The following PPP2R5C variants were observed in gnomAD, a reference collection of about 807,000 sequenced individuals.
PPP2R5C encodes the protein protein phosphatase 2 regulatory subunit B'gamma.
PPP2R5C carries 7 observed loss-of-function variants against 68.9 expected under a neutral mutation model. That is an observed-to-expected ratio of 0.10 (90% CI 0.06 to 0.19). PPP2R5C has a LOEUF of 0.19. Among genes scored for constraint, PPP2R5C ranks in the 10% least tolerant of loss-of-function variants. The pLI is 1.00. For missense variants in PPP2R5C, 348 were observed against 641.3 expected, an observed-to-expected ratio of 0.54 and a Z score of 4.94; for synonymous variants, 210 against 222.2, an observed-to-expected ratio of 0.95 and a Z score of 0.49.
chr14:101,830,107 C>G (rs768621765), intron 1 of PPP2R5C, among the ~76,000 whole-genome samples: 1 of 152,146 alleles, frequency 6.6e-6, no homozygotes, highest in Non-Finnish European at 1.5e-5. Flanking sequence ...AGAAAAGCAT[C>G]TATATTCAAG....
At chr14:101,910,845 G>A (rs778478724) in intron 11 of PPP2R5C, among the ~76,000 whole-genome samples, 1 of 152,118 alleles carries the variant, frequency 6.6e-6, no homozygotes, top group African/African-American at 2.4e-5. Context: ...GCTCATGCCT[G>A]TAATCCCAGC....
Position 101,781,767 on chromosome 14 carries a change from G to A in PPP2R5C, c.94-4251G>A, listed in dbSNP as rs116899619. Among the ~76,000 whole-genome samples, 1 of 151,822 alleles carries A rather than the reference G, an allele frequency of 6.6e-6. No homozygotes were observed. The highest frequency in any genetic ancestry group is 1.5e-5 in the Non-Finnish European group (1 of 67,910). On this transcript the variant is annotated intron_variant, in intron 2 of 14. Coordinates refer to the PPP2R5C transcript ENST00000328724. This position sits in a 1 kb window ranked among gnomAD's most constrained non-coding sequence, Gnocchi z 6.4. ...ACGCCGATCTGGCCTCCTGCGTTGCGCGCTCCAACCCTCTGCTTGGCCGCC... is the reference window on the plus strand; with the variant it reads ...ACGCCGATCTGGCCTCCTGCGTTGCACGCTCCAACCCTCTGCTTGGCCGCC...
chr14:101,802,722 A>G (rs1483626916), intron 3 of PPP2R5C, among the ~76,000 whole-genome samples: 1 of 152,306 alleles, frequency 6.6e-6, no homozygotes, highest in East Asian at 1.9e-4. Flanking sequence ...GAAAAATCAT[A>G]TAACTGATAA....
At chr14:101,831,983 A>C (rs1441371992) in intron 1 of PPP2R5C, among the ~76,000 whole-genome samples, 1 of 152,256 alleles carries the variant, frequency 6.6e-6, no homozygotes, top group Non-Finnish European at 1.5e-5. Flanking sequence ...GGAACCATGG[A>C]AAGATTCTAA....
intron 9 of PPP2R5C, among the ~76,000 whole-genome samples, chr14:101,902,586 G>A (rs992058039): frequency 2.0e-5 from 3 of 152,138 alleles, no homozygotes; most frequent in African/African-American, 4.8e-5. Flanking sequence ...AAGACCTCCC[G>A]GTGCCCAGGG....
chr14:101,918,370 G>A (rs1415544895), intron 13 of PPP2R5C, among the ~76,000 whole-genome samples: 3 of 122,184 alleles, frequency 2.5e-5, no homozygotes, highest in Non-Finnish European at 5.2e-5. Context: ...CACCCTCCTT[G>A]CCCCTCCCCC....
chr14:101,880,659 T>C (rs1613436), intron 2 of PPP2R5C, among the ~76,000 whole-genome samples: 34,931 of 151,920 alleles, frequency 0.23, 4,984 homozygotes, highest in African/African-American at 0.41. Context: ...TAGCAGAGCA[T>C]GGTGGTGCGT....
At chr14:101,809,102 T>C (rs1183522238), upstream of PPP2R5C, among the ~76,000 whole-genome samples, 1 of 152,216 alleles carries the variant, frequency 6.6e-6, no homozygotes, top group African/African-American at 2.4e-5. Flanking sequence ...TATGTCAGCA[T>C]ATTTGCAATA....
In PPP2R5C at chr14:101,925,044, CGTGCCTCGCG is replaced by C. The variant is rs2047222093; in HGVS notation, c.1444-94_1444-85del. 2.8e-5 allele frequency: 39 copies of C among 1,375,578 alleles called. 2 individuals are homozygous for C. The South Asian group carries it at 4.8e-4, about 17-fold the overall frequency. The allele number at this position is 1,375,578 out of a possible 1,614,324, so 85.2% of individuals were successfully genotyped here. On this transcript the variant is annotated intron_variant, in intron 13 of 13. Transcript: ENST00000334743. ...GCCGCCAGCGAGTGGGTGAGGCACA[CGTGCCTCGCG>C]GTTATCCTTTGACTTCCACCTCAGA...
At chr14:101,921,919 A>G (rs1287137185) in intron 13 of PPP2R5C, 1 of 918,302 alleles carries the variant, frequency 1.1e-6, no homozygotes, top group Non-Finnish European at 1.3e-6. Flanking sequence ...AAAACTAGCA[A>G]ATATCATGTG....
upstream of PPP2R5C, among the ~76,000 whole-genome samples, chr14:101,809,397 A>AC (rs1369188699): frequency 2.7e-5 from 4 of 150,904 alleles, no homozygotes; most frequent in Middle Eastern, 3.4e-3. Flanking sequence ...TTTGTTAAAA[A>AC]AAAAAAACAA....
intron 1 of PPP2R5C, among the ~76,000 whole-genome samples, chr14:101,845,987 G>GC (rs2041805293): frequency 6.6e-6 from 1 of 152,182 alleles, no homozygotes; most frequent in Non-Finnish European, 1.5e-5. Context: ...TGTTCATTTT[G>GC]CCCGAAATCC....
chr14:101,901,647 C>T, intron 8 of PPP2R5C, 72 bp from the exon 11 acceptor site: 1 of 1,518,074 alleles, frequency 6.6e-7, no homozygotes. Context: ...GCAGTGAAAA[C>T]ACAGACTTCT....
In PPP2R5C at chr14:101,909,283, T is replaced by G. The variant is rs1260872119; in HGVS notation, c.1152-306T>G. Among the ~76,000 whole-genome samples, 4 of 152,374 alleles carry G rather than the reference T, an allele frequency of 2.6e-5. No individual in the cohort carries two copies. In the East Asian group the frequency reaches 7.7e-4, roughly 29 times the overall value. On this transcript the variant is annotated intron_variant, in intron 10 of 13. Coordinates refer to ENST00000334743, the Ensembl canonical transcript of PPP2R5C. The stretch of plus-strand genomic sequence containing the variant: ...TATTGTCCTCTTTATAATTTTGTCT[T>G]AACTATATTTGTTCAAGTTTCAATG...
Position 101,784,456 on chromosome 14 carries a change from A to G in PPP2R5C, c.94-1562A>G, listed in dbSNP as rs549387481. Among the ~76,000 whole-genome samples the G allele has an allele frequency of 7.9e-5, 12 of 151,258 alleles. No individual in the cohort carries two copies. In the South Asian group the frequency reaches 2.3e-3, roughly 29 times the overall value. On this transcript the variant is annotated intron_variant, in intron 2 of 14. Transcript: ENST00000328724. ...TCAGGAAACTTACCATCATGGCAGA[A>G]GGTGAAGGGGAAGCAAGGCACTTCT...
intron 5 of PPP2R5C, 119 bp from the exon 8 acceptor site, chr14:101,890,118 A>T: frequency 1.1e-6 from 1 of 891,258 alleles, no homozygotes; most frequent in Non-Finnish European, 1.8e-6. Flanking sequence ...CACCACGAGC[A>T]GTGTTTGCAC....
At chr14:101,828,823 G>A (rs1042759483) in intron 1 of PPP2R5C, among the ~76,000 whole-genome samples, 3 of 151,806 alleles carry the variant, frequency 2.0e-5, no homozygotes, top group Admixed American at 1.3e-4. Context: ...GACTACAGGC[G>A]TGTGCTACCA....
At chr14:101,801,704 G>A (rs1466355107) in intron 3 of PPP2R5C, among the ~76,000 whole-genome samples, 5 of 152,202 alleles carry the variant, frequency 3.3e-5, no homozygotes, top group Non-Finnish European at 7.3e-5. Flanking sequence ...CCAATCAATG[G>A]AAAAACATCT....
Position 101,872,913 on chromosome 14 carries a change from A to G in PPP2R5C, c.295-9248A>G, listed in dbSNP as rs140055283. 5.9e-3 allele frequency among the ~76,000 whole-genome samples: 860 copies of G among 146,346 alleles called. 7 individuals carry two copies. Among genetic ancestry groups the G allele is most frequent in the African/African-American group, 0.02 (789 of 39,934 alleles). The stretch of plus-strand genomic sequence containing the variant: ...TTCTTAGAGTTGATGCTGATGCTCT[A>G]TTTCTCTTAATTCTTTTTTTTTTTT... On this transcript the variant is annotated intron_variant, in intron 2 of 13. Transcript: ENST00000334743.
Sources: allele counts gnomAD v4.1 joint callset (sites outside exome capture counted in the v4.1 genomes callset), GRCh38; gene constraint gnomAD v4.1.1; non-coding constraint Gnocchi (gnomAD v3.1); transcripts MANE v1.5; gene names NCBI Gene and HGNC (gene_info 2026-07-23, HGNC 2026-07-21).